ZNF484: variants seen among roughly 807,000 people sequenced by gnomAD.
ZNF484 encodes the protein zinc finger protein 484, also known as KRAB box containing C2H2 type zinc finger bA526D8.4.
In ZNF484, 11 loss-of-function variants were observed where a neutral mutation model predicts 12.9. That is an observed-to-expected ratio of 0.85 (90% CI 0.54 to 1.41). ZNF484 has a LOEUF of 1.41. ZNF484 is among the 40% of genes most tolerant of loss of function. The probability of loss-of-function intolerance (pLI) is 0.00; values close to 1 mark genes in which losing one functional copy is unlikely to be tolerated. For missense variants in ZNF484, 807 were observed against 1,007.7 expected (o/e 0.80, Z 2.70); for synonymous variants, 289 against 334.1 (o/e 0.86, Z 1.47).
chr9:92,868,924 C>T (rs1187787309), intron 2 of ZNF484, among the ~76,000 whole-genome samples: 1 of 152,042 alleles, frequency 6.6e-6, no homozygotes, highest in Non-Finnish European at 1.5e-5. Context: ...CAGGGTCTCG[C>T]CATATTACCT....
At position 92,846,539 on chromosome 9, in the gene ZNF484, A is replaced by T. The variant is rs1259095611; in HGVS notation, c.2248T>A (p.Cys750Ser). The stretch of plus-strand genomic sequence containing the variant: ...ATGAAAGACTTGCCACAGTCACTGC[A>T]TTCATAGGGTTTCTCTCCAGTATGA... ...RIHTGEKPYE[C>S]SDCGKSFIKK... is the part of the protein sequence containing the mutation. Residue 750 changes from cysteine (C) to serine (S), a missense_variant, in exon 5 of 5, where the codon TGC becomes AGC. Transcript: ENST00000375495. The T allele has an allele frequency of 6.2e-7, 1 of 1,614,086 alleles. No homozygotes were observed. The highest frequency in any genetic ancestry group is 8.5e-7 in the Non-Finnish European group (1 of 1,180,008).
intron 2 of ZNF484, among the ~76,000 whole-genome samples, chr9:92,860,397 TC>T (rs1018407629): frequency 6.6e-6 from 1 of 151,826 alleles, no homozygotes; most frequent in Non-Finnish European, 1.5e-5. Flanking sequence ...GGTCAGGAGA[TC>T]GAGACCATCC....
Position 92,848,561 on chromosome 9 carries a change from A to C in ZNF484, c.236-10T>G. 1 of 1,561,462 alleles carries C rather than the reference A, an allele frequency of 6.4e-7. No individual in the cohort carries two copies. The highest frequency in any genetic ancestry group is 1.4e-5 in the African/African-American group (1 of 72,538). ...AAACCAATGTCCCCATCTAAAAAAG[A>C]AAGAAAAGATAAGACTGACAAAAAG... is the stretch of plus-strand genomic sequence containing the variant. On this transcript the variant is annotated splice_polypyrimidine_tract_variant and intron_variant, in intron 4 of 4. Transcript: ENST00000375495. The surrounding 1 kb of genome is among the most constrained non-coding windows in gnomAD (Gnocchi z 4.1).
In ZNF484 at chr9:92,871,055, A is replaced by G. The variant is rs536013999; in HGVS notation, c.15+3960T>C. Reference sequence around the variant, plus strand: ...AATACATTACAAAATCATTTGTAAAACCAAGAACCAGGAAAATCTCAACTT... The same window carrying G: ...AATACATTACAAAATCATTTGTAAAGCCAAGAACCAGGAAAATCTCAACTT... On this transcript the variant is annotated intron_variant, in intron 2 of 4. Coordinates refer to ENST00000375495, the MANE Select transcript of ZNF484 (RefSeq NM_031486.4). Among the ~76,000 whole-genome samples, 135 of 152,378 alleles carry G rather than the reference A, an allele frequency of 8.9e-4. No individual in the cohort carries two copies. In the Middle Eastern group the frequency reaches 0.017, roughly 19 times the overall value.
intron 2 of ZNF484, among the ~76,000 whole-genome samples, chr9:92,856,808 G>A (rs1856492983): frequency 6.6e-6 from 1 of 152,138 alleles, no homozygotes; most frequent in Admixed American, 6.5e-5. Context: ...CGCAAGCTCT[G>A]CCTCCTGGGT....
At position 92,846,943 on chromosome 9, in the gene ZNF484, T is replaced by C; in HGVS notation, c.1844A>G (p.Lys615Arg). 6.2e-7 allele frequency: 1 copy of C among 1,614,078 alleles called. No homozygotes were observed. The highest frequency in any genetic ancestry group is 1.1e-5 in the South Asian group (1 of 91,078). Residue 615 changes from lysine (K) to arginine (R), a missense_variant, in exon 5 of 5, where the codon AAA becomes AGA. Lys to Arg is a conservative substitution (Grantham distance 26). Transcript: ENST00000375495. ...GAGCTGTGATTTCTTAGTGAAGGATTTCCCACAAATACTGCATTCATAGGG... is the reference window on the plus strand; with the variant it reads ...GAGCTGTGATTTCTTAGTGAAGGATCTCCCACAAATACTGCATTCATAGGG... ...EKPYECSICGKSFTKKSQLHV... is the reference protein window; with the variant it reads ...EKPYECSICGRSFTKKSQLHV...
intron 4 of ZNF484, among the ~76,000 whole-genome samples, chr9:92,852,529 C>CTTTT (rs760841960): frequency 8.8e-4 from 56 of 63,476 alleles, no homozygotes; most frequent in African/African-American, 2.5e-3. Flanking sequence ...CACGCCCAGC[C>CTTTT]TTTTTTTTTT....
intron 2 of ZNF484, among the ~76,000 whole-genome samples, chr9:92,868,400 G>T (rs1377426521): frequency 3.3e-5 from 5 of 152,194 alleles, no homozygotes; most frequent in African/African-American, 1.2e-4. Flanking sequence ...TCATTCAGGA[G>T]CTGTATGATC....
At chr9:92,858,548 G>A (rs1433437537) in intron 2 of ZNF484, among the ~76,000 whole-genome samples, 1 of 152,088 alleles carries the variant, frequency 6.6e-6, no homozygotes, top group Non-Finnish European at 1.5e-5. Flanking sequence ...TATTGACTAT[G>A]CAAAACAGTA....
At chr9:92,851,835 T>G (rs1431394076) in intron 4 of ZNF484, among the ~76,000 whole-genome samples, 2 of 152,204 alleles carry the variant, frequency 1.3e-5, no homozygotes, top group African/African-American at 4.8e-5. Context: ...AATTTCAAAT[T>G]TCACCACAAC....
chr9:92,847,937 A>G lies in ZNF484; in HGVS notation c.850T>C (p.Cys284Arg). 6.2e-7 allele frequency: 1 copy of G among 1,614,228 alleles called. No individual in the cohort carries two copies. Among genetic ancestry groups the G allele is most frequent in the South Asian group, 1.1e-5 (1 of 91,088 alleles). Residue 284 changes from cysteine (C) to arginine (R), a missense_variant, in exon 5 of 5, where the codon TGT (cysteine) becomes CGT (arginine). Cys to Arg is a radical substitution (Grantham distance 180). Transcript: ENST00000375495. ...GACTTCTGAGTGAAGACTGCCTCAC[A>G]TTCATGGCATTCATGCTGCTTTTCT... ...AEEKQHECHE[C>R]EAVFTQKSQL...
At position 92,848,556 on chromosome 9, in the gene ZNF484, AAAAG is replaced by A; in HGVS notation, c.236-9_236-6del. On this transcript the variant is annotated splice_region_variant and splice_polypyrimidine_tract_variant and intron_variant, in intron 4 of 4. Transcript: ENST00000375495. The surrounding 1 kb of genome is among the most constrained non-coding windows in gnomAD (Gnocchi z 4.1). ...GTCCAAAACCAATGTCCCCATCTAA[AAAAG>A]AAAGAAAAGATAAGACTGACAAAAA... is the stretch of plus-strand genomic sequence containing the variant. The A allele has an allele frequency of 1.9e-6, 3 of 1,560,112 alleles. No homozygotes were observed. Among genetic ancestry groups the A allele is most frequent in the Non-Finnish European group, 2.6e-6 (3 of 1,163,446 alleles).
At chr9:92,864,707 A>G (rs1856967155) in intron 2 of ZNF484, among the ~76,000 whole-genome samples, 1 of 152,206 alleles carries the variant, frequency 6.6e-6, no homozygotes, top group Non-Finnish European at 1.5e-5. Flanking sequence ...TTGAATGACA[A>G]TCTAAAATAC....
At position 92,846,170 on chromosome 9, in the gene ZNF484, G is replaced by A; in HGVS notation, c.*58C>T. The A allele has an allele frequency of 6.5e-7, 1 of 1,530,770 alleles. No homozygotes were observed. Among genetic ancestry groups the A allele is most frequent in the Admixed American group, 2.0e-5 (1 of 48,788 alleles). The allele number at this position is 1,530,770 out of a possible 1,614,324, so 94.8% of individuals were successfully genotyped here. On this transcript the variant is annotated 3_prime_UTR_variant, in exon 5 of 5. Transcript: ENST00000375495. ...ACATTGCTTAAACACTCTCAAAAGT[G>A]TCTCCCCATATGTGTAACTACACAT...
intron 2 of ZNF484, among the ~76,000 whole-genome samples, chr9:92,856,587 C>T (rs1856477648): frequency 6.6e-6 from 1 of 152,120 alleles, no homozygotes; most frequent in Non-Finnish European, 1.5e-5. Flanking sequence ...AGATGCTCAA[C>T]GTCATTAATC....
chr9:92,846,732 G>C lies in ZNF484; in HGVS notation c.2055C>G (p.Ser685=). The C allele has an allele frequency of 1.9e-6, 3 of 1,612,506 alleles. No individual in the cohort carries two copies. The highest frequency in any genetic ancestry group is 2.5e-6 in the Non-Finnish European group (3 of 1,179,562). The part of the protein sequence containing the change: ...RKSGLHIHQQ[S]HTGERHYECS... ...ACTCATAATGCCTTTCTCCAGTATG[G>C]GATTGCTGATGTATATGGAGACCTG... The change falls in exon 5 of 5, where the codon TCC becomes TCG. Residue 685 remains serine, a synonymous_variant. Transcript: ENST00000375495.
At chr9:92,870,424 C>A (rs992112110) in intron 2 of ZNF484, among the ~76,000 whole-genome samples, 1 of 152,224 alleles carries the variant, frequency 6.6e-6, no homozygotes, top group Non-Finnish European at 1.5e-5. Context: ...GGGCTTGATT[C>A]ATCTCTCATC....
In ZNF484 at chr9:92,846,155, A is replaced by C; in HGVS notation, c.*73T>G. 2 of 1,495,544 alleles carry C rather than the reference A, an allele frequency of 1.3e-6. No homozygotes were observed. The highest frequency in any genetic ancestry group is 2.1e-5 in the Admixed American group (1 of 47,118). The allele number at this position is 1,495,544 out of a possible 1,614,324, so 92.6% of individuals were successfully genotyped here. On this transcript the variant is annotated 3_prime_UTR_variant, in exon 5 of 5. Coordinates refer to ENST00000375495, the MANE Select transcript of ZNF484 (RefSeq NM_031486.4). ...AAAGATGGCCACTATACATTGCTTA[A>C]ACACTCTCAAAAGTGTCTCCCCATA...
intron 2 of ZNF484, among the ~76,000 whole-genome samples, chr9:92,867,804 G>C (rs567739449): frequency 6.6e-6 from 1 of 152,170 alleles, no homozygotes; most frequent in Non-Finnish European, 1.5e-5. Flanking sequence ...TCCTCTTTCT[G>C]TAATGAACTA....
Sources: gnomAD v4.1 joint callset for allele counts (sites outside exome capture counted in the v4.1 genomes callset) on GRCh38, gnomAD v4.1.1 for gene constraint, Gnocchi (gnomAD v3.1) non-coding constraint, MANE v1.5 for transcripts, NCBI Gene and HGNC (gene_info 2026-07-23, HGNC 2026-07-21) for gene names.